The following DLG5 variants were observed in gnomAD, a reference collection of about 807,000 sequenced individuals.
DLG5 encodes the protein disks large homolog 5.
Under a neutral mutation model 189.8 loss-of-function variants are expected in DLG5, and 48 were observed. The observed-to-expected ratio is 0.25, with a 90% CI of 0.20 to 0.32. The LOEUF is 0.32. Among genes scored for constraint, DLG5 ranks in the 10% least tolerant of loss-of-function variants. The probability of loss-of-function intolerance (pLI) is 1.00; values close to 1 mark genes in which losing one functional copy is unlikely to be tolerated. For missense variants in DLG5, 2,160 were observed against 2,544.7 expected, an observed-to-expected ratio of 0.85 and a Z score of 3.25; for synonymous variants, 1,016 against 1,054.1, an observed-to-expected ratio of 0.96 and a Z score of 0.70.
In DLG5 at chr10:77,918,845, G is replaced by A. The variant is rs114198916; in HGVS notation, c.304+7372C>T. 2.0e-3 allele frequency among the ~76,000 whole-genome samples: 302 copies of A among 152,168 alleles called. 1 individual carries two copies. Among genetic ancestry groups the A allele is most frequent in the African/African-American group, 6.7e-3 (277 of 41,488 alleles). ...ACCTCTGTGGCTCACATCTTCCCAG[G>A]GTTTCAGGAAACGACTATAGAGCCC... On this transcript the variant is annotated intron_variant, in intron 1 of 31. Transcript: ENST00000372391.
At chr10:77,883,691 C>CTTT (rs36028891) in intron 1 of DLG5, among the ~76,000 whole-genome samples, 1,092 of 96,372 alleles carry the variant, frequency 0.011, 8 homozygotes, top group African/African-American at 0.019. Flanking sequence ...TAACATTGTT[C>CTTT]TTTTTTTTTT....
At position 77,854,420 on chromosome 10, in the gene DLG5, C is replaced by T. The variant is rs183171152; in HGVS notation, c.537-50G>A. 2.6e-4 allele frequency: 411 copies of T among 1,605,456 alleles called. No homozygotes were observed. In the South Asian group the frequency reaches 3.5e-3, roughly 13 times the overall value. On this transcript the variant is annotated intron_variant, in intron 3 of 31. Coordinates refer to ENST00000372391, the MANE Select transcript of DLG5 (RefSeq NM_004747.4). ...ATGAACACAGGCCCCAGGATTCACACGGATAGAGGAACCAGGTCCTGGATT... is the reference window on the plus strand; with the variant it reads ...ATGAACACAGGCCCCAGGATTCACATGGATAGAGGAACCAGGTCCTGGATT...
At position 77,830,950 on chromosome 10, in the gene DLG5, G is replaced by A. The variant is rs58569752; in HGVS notation, c.1749-77C>T. The stretch of plus-strand genomic sequence containing the variant: ...ACCGCGTAACGGCTCTGAACCTCAC[G>A]AGGCAGGCCATTTGAAACAGCTAAA... On this transcript the variant is annotated intron_variant, in intron 9 of 31. Coordinates refer to ENST00000372391, the MANE Select transcript of DLG5 (RefSeq NM_004747.4). The A allele has an allele frequency of 9.0e-4, 1,382 of 1,536,814 alleles. 13 individuals carry two copies. The African/African-American group carries it at 0.014, about 16-fold the overall frequency.
chr10:77,908,954 C>T (rs1300472150), intron 1 of DLG5, among the ~76,000 whole-genome samples: 3 of 152,096 alleles, frequency 2.0e-5, no homozygotes, highest in Non-Finnish European at 4.4e-5. Flanking sequence ...CTAAAAGCTC[C>T]ACAATAGAGC....
chr10:77,854,334 C>G lies in DLG5; in HGVS notation c.573G>C (p.Leu191=). ...YHRLNPDYER[L]KIQCVRAMSD... ...ACATGGCTCGCACGCACTGGATCTTCAGCCTCTCATAGTCAGGATTCAGCC... is the reference window on the plus strand; with the variant it reads ...ACATGGCTCGCACGCACTGGATCTTGAGCCTCTCATAGTCAGGATTCAGCC... The change falls in exon 4 of 32, where the codon CTG becomes CTC. Residue 191 remains leucine (L), a synonymous_variant. Transcript: ENST00000372391. 1 of 1,614,150 alleles carries G rather than the reference C, an allele frequency of 6.2e-7. No individual in the cohort carries two copies. The highest frequency in any genetic ancestry group is 1.7e-5 in the Admixed American group (1 of 60,024).
At chr10:77,909,419 G>C (rs1846152910) in intron 1 of DLG5, among the ~76,000 whole-genome samples, 1 of 152,092 alleles carries the variant, frequency 6.6e-6, no homozygotes. Flanking sequence ...ACGGGTTGAT[G>C]GGTGCAGCAA....
intron 2 of DLG5, among the ~76,000 whole-genome samples, chr10:77,860,122 C>T (rs1056437506): frequency 1.3e-5 from 2 of 152,250 alleles, no homozygotes; most frequent in African/African-American, 4.8e-5. Flanking sequence ...GTACTGATAA[C>T]ATCGTCCCCA....
chr10:77,864,740 G>A (rs1180162415), intron 2 of DLG5, among the ~76,000 whole-genome samples: 1 of 152,250 alleles, frequency 6.6e-6, no homozygotes, highest in Non-Finnish European at 1.5e-5. Context: ...CTATCCAGCA[G>A]CCACTGCCTT....
At chr10:77,841,164 C>T (rs1008812077) in intron 7 of DLG5, among the ~76,000 whole-genome samples, 7 of 152,172 alleles carry the variant, frequency 4.6e-5, no homozygotes, top group African/African-American at 9.7e-5. Context: ...TCTCCATGGG[C>T]CCATCCAAGC....
In DLG5 at chr10:77,872,760, G is replaced by T. The variant is rs182464516; in HGVS notation, c.305-3563C>A. ...TCAAGGCCGGTTGCTTCCATGGGGC[G>T]GAGGGGCAGGTGTCGGCGTCATCTA... On this transcript the variant is annotated intron_variant, in intron 1 of 31. Coordinates refer to ENST00000372391, the MANE Select transcript of DLG5 (RefSeq NM_004747.4). Among the ~76,000 whole-genome samples, 359 of 152,202 alleles carry T rather than the reference G, an allele frequency of 2.4e-3. 2 individuals carry two copies. Among genetic ancestry groups the T allele is most frequent in the South Asian group, 0.023 (112 of 4,812 alleles).
chr10:77,874,386 T>C (rs1354359382), intron 1 of DLG5, among the ~76,000 whole-genome samples: 2 of 152,206 alleles, frequency 1.3e-5, no homozygotes, highest in Non-Finnish European at 2.9e-5. Flanking sequence ...TGTTTGAGGA[T>C]AAACTGATTT....
chr10:77,869,515 A>G (rs1844816655), intron 1 of DLG5: 1 of 376,440 alleles, frequency 2.7e-6, no homozygotes, highest in South Asian at 2.8e-5. Context: ...CCAGGTAAAC[A>G]TGGGGTGTGG....
the DLG5 span, among the ~76,000 whole-genome samples, chr10:77,935,416 A>G: frequency 6.6e-6 from 1 of 152,130 alleles, no homozygotes; most frequent in African/African-American, 2.4e-5. Context: ...GGCAGAATCC[A>G]TTATTCCACT....
At chr10:77,934,386 A>G in the DLG5 span, among the ~76,000 whole-genome samples, 1 of 150,588 alleles carries the variant, frequency 6.6e-6, no homozygotes, top group Admixed American at 6.6e-5. Context: ...AAAAAAAAAA[A>G]AAGAAAAGGA....
intron 27 of DLG5, among the ~76,000 whole-genome samples, chr10:77,804,993 C>A (rs1841398887): frequency 6.6e-6 from 1 of 152,126 alleles, no homozygotes; most frequent in Non-Finnish European, 1.5e-5. Context: ...TTTTTTGAGA[C>A]AGGATCTTGC....
In DLG5 at chr10:77,822,082, G is replaced by A. The variant is rs150836313; in HGVS notation, c.2402C>T (p.Ser801Leu). The A allele has an allele frequency of 2.7e-4, 438 of 1,612,688 alleles. No individual in the cohort carries two copies. The highest frequency in any genetic ancestry group is 3.4e-4 in the Non-Finnish European group (402 of 1,179,272). ...TTCAAAAATGTTCTGGCCACTCCACGAGGAGCTCTGAGGGAATACCTAGGC... is the reference window on the plus strand; with the variant it reads ...TTCAAAAATGTTCTGGCCACTCCACAAGGAGCTCTGAGGGAATACCTAGGC... ...SLLKVFPQSSSWSGQNIFENI... is the reference protein window; with the variant it reads ...SLLKVFPQSSLWSGQNIFENI... Residue 801 changes from serine to leucine, a missense_variant, in exon 15 of 32, where the codon TCG becomes TTG. Physicochemically the swap from Ser to Leu is moderately radical, Grantham distance 145. Around this residue, in one of 5 missense-constraint regions of DLG5, gnomAD observed 754 missense variants for 746.5 expected, o/e 1.01. Coordinates refer to ENST00000372391, the MANE Select transcript of DLG5 (RefSeq NM_004747.4).
chr10:77,896,069 A>G lies in DLG5; in HGVS notation c.305-26872T>C, dbSNP rs577426609. 1.7e-3 allele frequency among the ~76,000 whole-genome samples: 265 copies of G among 152,194 alleles called. 1 individual carries two copies. The highest frequency in any genetic ancestry group is 6.1e-3 in the African/African-American group (254 of 41,526). Reference sequence around the variant, plus strand: ...CAGCTACTCAGGAGGCTGAGGCACAAGAATTGCTTGAACCCAAGAGGCAAA... The same window carrying G: ...CAGCTACTCAGGAGGCTGAGGCACAGGAATTGCTTGAACCCAAGAGGCAAA... On this transcript the variant is annotated intron_variant, in intron 1 of 31. Coordinates refer to ENST00000372391, the MANE Select transcript of DLG5 (RefSeq NM_004747.4).
intron 27 of DLG5, among the ~76,000 whole-genome samples, chr10:77,802,851 G>C (rs1841284191): frequency 6.6e-6 from 1 of 152,226 alleles, no homozygotes; most frequent in Admixed American, 6.5e-5. Flanking sequence ...AGCGAGCCGA[G>C]ATCGTACCAT....
chr10:77,817,786 C>T lies in DLG5; in HGVS notation c.3775G>A (p.Ala1259Thr), dbSNP rs1233084634. The T allele has an allele frequency of 1.9e-6, 3 of 1,553,618 alleles. No homozygotes were observed. The highest frequency in any genetic ancestry group is 2.4e-5 in the East Asian group (1 of 41,156). ...CAAGTGGTGCAGTTACCCAGGCGGG[C>T]GCTGGAGGGCAGTGAGTTGGACCCA... ...THGSNSLPSSARLGSSSNLQF... is the reference protein window; with the variant it reads ...THGSNSLPSSTRLGSSSNLQF... Residue 1259 changes from alanine to threonine, a missense_variant, in exon 18 of 32, where the codon GCC becomes ACC. Around this residue, in one of 5 missense-constraint regions of DLG5, gnomAD observed 754 missense variants for 746.5 expected, o/e 1.01. Transcript: ENST00000372391.
Sources: allele counts gnomAD v4.1 joint callset (sites outside exome capture counted in the v4.1 genomes callset), GRCh38; gene constraint gnomAD v4.1.1; regional missense constraint gnomAD v4.1.1; transcripts MANE v1.5; gene names NCBI Gene and HGNC (gene_info 2026-07-23, HGNC 2026-07-21).